Variants in SVIL observed in about 807,000 individuals in gnomAD.
The protein encoded by SVIL is supervillin, also known as archvillin.
SVIL carries 101 observed loss-of-function variants against 240.4 expected under a neutral mutation model. The ratio of observed to expected loss-of-function variants is 0.42; its 90% CI spans 0.36 to 0.50. The LOEUF (loss-of-function observed/expected upper bound fraction) is 0.50. Ranked by LOEUF, SVIL falls within the 20% of genes least tolerant of loss-of-function variation. The pLI is 0.01. For missense variants in SVIL, 2,512 were observed against 2,818.7 expected (o/e 0.89, Z 2.46); for synonymous variants, 999 against 1,100.0 (o/e 0.91, Z 1.82).
At position 29,522,398 on chromosome 10, in the gene SVIL, G is replaced by A. The variant is rs757069527; in HGVS notation, c.3389+12C>T. The A allele has an allele frequency of 9.9e-6, 16 of 1,613,390 alleles. No homozygotes were observed. The highest frequency in any genetic ancestry group is 1.3e-5 in the Non-Finnish European group (15 of 1,179,608). The stretch of plus-strand genomic sequence containing the variant: ...CCGAGAGAATTACTTTTCGCTCACC[G>A]AATCTCATTACCTTTCTTTAATAGA... On this transcript the variant is annotated intron_variant, in intron 16 of 37. Transcript: ENST00000355867.
Position 29,523,613 on chromosome 10 carries a change from G to A in SVIL, c.3001C>T (p.Leu1001=). 6.2e-7 allele frequency: 1 copy of A among 1,614,162 alleles called. No homozygotes were observed. Among genetic ancestry groups the A allele is most frequent in the East Asian group, 2.2e-5 (1 of 44,880 alleles). ...GTGATGGGAGGGTTCGCCCGTTCCA[G>A]GCTTCCTCTTCTGGGAACAGCATAT... ...SKYAVPRRGS[L]ERANPPITHL... The change falls in exon 15 of 38, where the codon CTG becomes TTG. Residue 1001 remains leucine, a synonymous_variant. Transcript: ENST00000355867.
At chr10:29,464,073 C>T (rs1944596703) in intron 34 of SVIL, among the ~76,000 whole-genome samples, 1 of 152,202 alleles carries the variant, frequency 6.6e-6, no homozygotes, top group Admixed American at 6.5e-5. Flanking sequence ...CAGTGGCGTT[C>T]CTGCCCTGCA....
At chr10:29,606,657 A>G (rs1320678035) in intron 1 of SVIL, among the ~76,000 whole-genome samples, 3 of 152,178 alleles carry the variant, frequency 2.0e-5, no homozygotes, top group African/African-American at 7.2e-5. Flanking sequence ...CTTGATCTAT[A>G]ATTGATTTTC....
intron 1 of SVIL, among the ~76,000 whole-genome samples, chr10:29,701,186 C>T (rs924394622): frequency 2.0e-5 from 3 of 152,194 alleles, no homozygotes; most frequent in Non-Finnish European, 2.9e-5. Context: ...TGCACAGACC[C>T]ACTCCTCTGT....
At chr10:29,706,903 C>T (rs1962927355) in intron 1 of SVIL, among the ~76,000 whole-genome samples, 1 of 152,110 alleles carries the variant, frequency 6.6e-6, no homozygotes, top group Non-Finnish European at 1.5e-5. Flanking sequence ...GGAATCCTTC[C>T]CCACTGCTTT....
intron 36 of SVIL, among the ~76,000 whole-genome samples, chr10:29,460,092 T>TA (rs1427495712): frequency 6.6e-6 from 1 of 152,002 alleles, no homozygotes; most frequent in Non-Finnish European, 1.5e-5. Context: ...ATCCTTTCTC[T>TA]AAAAAAAGAA....
chr10:29,661,237 G>A (rs1959153682), intron 2 of SVIL, among the ~76,000 whole-genome samples: 1 of 151,410 alleles, frequency 6.6e-6, no homozygotes, highest in Admixed American at 6.6e-5. Context: ...TAAAGACAAA[G>A]GGAAAACCTC....
At chr10:29,573,009 C>T (rs1955518059) in intron 1 of SVIL, among the ~76,000 whole-genome samples, 1 of 151,864 alleles carries the variant, frequency 6.6e-6, no homozygotes, top group Admixed American at 6.6e-5. Context: ...TAAGTCTATT[C>T]TAATTTTTTT....
At position 29,496,387 on chromosome 10, in the gene SVIL, C is replaced by G. The variant is rs555531973; in HGVS notation, c.3665-1206G>C. The G allele has an allele frequency of 6.7e-4, 305 of 455,256 alleles. 3 individuals are homozygous for G. The highest frequency in any genetic ancestry group is 4.6e-3 in the South Asian group (295 of 64,214). The allele number at this position is 455,256 out of a possible 1,614,324, so 28.2% of individuals were successfully genotyped here. On this transcript the variant is annotated intron_variant, in intron 18 of 37. Coordinates refer to ENST00000355867, the MANE Select transcript of SVIL (RefSeq NM_021738.3). The stretch of plus-strand genomic sequence containing the variant: ...GGTATCACAGGGTGGGGAGGGAAAT[C>G]TTTACTCACTAGAAGGATGCTTAAG...
chr10:29,527,723 C>CATT (rs1196329053), intron 12 of SVIL, among the ~76,000 whole-genome samples: 8 of 135,240 alleles, frequency 5.9e-5, no homozygotes, highest in African/African-American at 2.2e-4. Context: ...CTGGGCCCAG[C>CATT]CTTTTTTTTT....
chr10:29,586,703 C>T (rs527511455), intron 1 of SVIL, among the ~76,000 whole-genome samples: 34 of 152,216 alleles, frequency 2.2e-4, no homozygotes, highest in South Asian at 8.3e-4. Context: ...TGGAATACTA[C>T]GCAGCCATAA....
At chr10:29,677,487 C>G (rs556337611) in intron 2 of SVIL, among the ~76,000 whole-genome samples, 19 of 152,198 alleles carry the variant, frequency 1.2e-4, no homozygotes, top group Non-Finnish European at 2.4e-4. Flanking sequence ...TAGCTCTCTG[C>G]AGCTTCAAAC....
chr10:29,458,643 T>C, intron 36 of SVIL, 54 bp from the exon 37 acceptor site: 1 of 1,579,680 alleles, frequency 6.3e-7, no homozygotes, highest in Non-Finnish European at 8.6e-7. Flanking sequence ...TTTGAACTTG[T>C]TTTATTAAGT....
At chr10:29,620,393 A>G (rs1418351831) in intron 1 of SVIL, among the ~76,000 whole-genome samples, 11 of 152,192 alleles carry the variant, frequency 7.2e-5, no homozygotes, top group Non-Finnish European at 1.2e-4. Context: ...TGGGAGAGAA[A>G]GGAGAGGACT....
intron 3 of SVIL, among the ~76,000 whole-genome samples, chr10:29,561,732 C>T (rs763548533): frequency 5.9e-5 from 9 of 152,104 alleles, no homozygotes; most frequent in Non-Finnish European, 8.8e-5. Context: ...AGAGCCGATG[C>T]GAGCACAGCG....
intron 16 of SVIL, among the ~76,000 whole-genome samples, chr10:29,517,136 G>A (rs1487880556): frequency 6.6e-6 from 1 of 152,140 alleles, no homozygotes; most frequent in Non-Finnish European, 1.5e-5. Context: ...GGAGGGCCAG[G>A]CGTGGTGGCT....
intron 1 of SVIL, among the ~76,000 whole-genome samples, chr10:29,627,823 G>A (rs1957932669): frequency 6.6e-6 from 1 of 152,176 alleles, no homozygotes; most frequent in East Asian, 1.9e-4. Flanking sequence ...TCTAATCACA[G>A]AATTTTAAAA....
At chr10:29,670,274 A>G (rs1959664375) in intron 2 of SVIL, among the ~76,000 whole-genome samples, 1 of 152,232 alleles carries the variant, frequency 6.6e-6, no homozygotes, top group Non-Finnish European at 1.5e-5. Flanking sequence ...GACTATATAC[A>G]CCTAAGAAAT....
intron 1 of SVIL, among the ~76,000 whole-genome samples, chr10:29,603,889 G>A (rs538635885): frequency 6.6e-6 from 1 of 152,268 alleles, no homozygotes; most frequent in East Asian, 1.9e-4. Flanking sequence ...ATCCGCAAAG[G>A]TGACTATGTA....
Sources: allele counts gnomAD v4.1 joint callset (sites outside exome capture counted in the v4.1 genomes callset), GRCh38; gene constraint gnomAD v4.1.1; transcripts MANE v1.5; gene names NCBI Gene and HGNC (gene_info 2026-07-23, HGNC 2026-07-21).